Variants in CCHCR1 observed in about 807,000 individuals in gnomAD.
CCHCR1 encodes coiled-coil alpha-helical rod protein 1, also known as HCR (a-helix coiled-coil rod homologue).
Under a neutral mutation model 114.6 loss-of-function variants are expected in CCHCR1, and 91 were observed. The observed-to-expected ratio is 0.79, with a 90% CI of 0.67 to 0.94. The LOEUF (loss-of-function observed/expected upper bound fraction) is 0.94, where lower values mean the gene tolerates loss of function less well. Ranked by LOEUF, CCHCR1 falls within the 40% of genes least tolerant of loss-of-function variation. The probability of loss-of-function intolerance (pLI) is 0.00; values close to 1 mark genes in which losing one functional copy is unlikely to be tolerated. For missense variants in CCHCR1, 899 were observed against 1,079.9 expected, an observed-to-expected ratio of 0.83 and a Z score of 2.35; for synonymous variants, 379 against 428.5, an observed-to-expected ratio of 0.88 and a Z score of 1.43.
Position 31,157,698 on chromosome 6 carries a change from C to A in CCHCR1, c.-98G>T. The A allele has an allele frequency of 4.2e-6, 4 of 950,178 alleles. No individual in the cohort carries two copies. Among genetic ancestry groups the A allele is most frequent in the Non-Finnish European group, 6.3e-6 (4 of 637,320 alleles). 58.9% of individuals were successfully genotyped at this position (950,178 alleles called of 1,614,324 possible). A position where few individuals can be genotyped will look rare whatever the true frequency, so the allele number is the denominator to read the frequency against. On this transcript the variant is annotated 5_prime_UTR_variant, in exon 1 of 18. Transcript: ENST00000396268. ...TGACATCTTATTCAAATCTTTCCTG[C>A]GGCTGTTCTCTCAGCTTCTCTCTAC...
At position 31,144,820 on chromosome 6, in the gene CCHCR1, C is replaced by G; in HGVS notation, c.2066-32G>C. On this transcript the variant is annotated intron_variant, in intron 14 of 17. Coordinates refer to ENST00000396268, the MANE Select transcript of CCHCR1 (RefSeq NM_001105564.2). The surrounding 1 kb of genome is among the most constrained non-coding windows in gnomAD (Gnocchi z 4.6). ...TGAAAGTGCAGACGGGGCATATCAG[C>G]AGGAGCTTTGATTCGCAGTTCCCAC... 2 of 1,610,852 alleles carry G rather than the reference C, an allele frequency of 1.2e-6. No individual in the cohort carries two copies. Among genetic ancestry groups the G allele is most frequent in the Non-Finnish European group, 1.7e-6 (2 of 1,177,086 alleles).
chr6:31,142,497 G>T lies in CCHCR1; in HGVS notation c.*95C>A. 2 of 1,214,120 alleles carry T rather than the reference G, an allele frequency of 1.6e-6. No homozygotes were observed. Among genetic ancestry groups the T allele is most frequent in the Non-Finnish European group, 2.3e-6 (2 of 859,398 alleles). The allele number at this position is 1,214,120 out of a possible 1,614,324, so 75.2% of individuals were successfully genotyped here. On this transcript the variant is annotated 3_prime_UTR_variant, in exon 18 of 18. Coordinates refer to ENST00000396268, the MANE Select transcript of CCHCR1 (RefSeq NM_001105564.2). Reference sequence around the variant, plus strand: ...TCAGACTCAGCTGGTATCCCCCAGGGCAACCCCAGGATGGGGAAGGGCTGG... The same window carrying T: ...TCAGACTCAGCTGGTATCCCCCAGGTCAACCCCAGGATGGGGAAGGGCTGG...
At position 31,150,433 on chromosome 6, in the gene CCHCR1, G is replaced by T; in HGVS notation, c.1212+22C>A. 1.3e-6 allele frequency: 2 copies of T among 1,591,280 alleles called. No individual in the cohort carries two copies. The highest frequency in any genetic ancestry group is 1.7e-6 in the Non-Finnish European group (2 of 1,162,430). On this transcript the variant is annotated intron_variant, in intron 7 of 17. Coordinates refer to ENST00000396268, the MANE Select transcript of CCHCR1 (RefSeq NM_001105564.2). The surrounding 1 kb of genome is among the most constrained non-coding windows in gnomAD (Gnocchi z 5.3). ...GATGCAGGATGCGGCTGAGGGTGAG[G>T]GGTCTGGGGGTTGGGCTGTACCTTC...
rs1450129025 is a variant in CCHCR1 at position 31,150,816 on chromosome 6, T to G, written c.1010A>C (p.Asn337Thr). The G allele has an allele frequency of 6.2e-7, 1 of 1,613,092 alleles. No homozygotes were observed. The highest frequency in any genetic ancestry group is 8.5e-7 in the Non-Finnish European group (1 of 1,180,014). ...TTGTTCCCCAACATATTTTCTTAGA[T>G]TCTCAACCAGGGTCACCTGAGCCTC... ...DLEAQVTLVE[N>T]LRKYVGEQVP... Residue 337 changes from asparagine (N) to threonine (T), a missense_variant, in exon 6 of 18, where the codon AAT becomes ACT. By Grantham distance (65) the Asn-to-Thr change is moderately conservative (BLOSUM62 0). Coordinates refer to ENST00000396268, the MANE Select transcript of CCHCR1 (RefSeq NM_001105564.2). The surrounding 1 kb of genome is among the most constrained non-coding windows in gnomAD (Gnocchi z 5.3).
rs1227713462 is a variant in CCHCR1 at position 31,143,773 on chromosome 6, C to G, written c.2168-360G>C. 2.0e-5 allele frequency among the ~76,000 whole-genome samples: 3 copies of G among 152,180 alleles called. No homozygotes were observed. The highest frequency in any genetic ancestry group is 4.4e-5 in the Non-Finnish European group (3 of 68,020). On this transcript the variant is annotated intron_variant, in intron 15 of 17. Transcript: ENST00000396268. The surrounding 1 kb of genome is among the most constrained non-coding windows in gnomAD (Gnocchi z 5.3). ...GATGCGGCTGAACAACTTATGTTTA[C>G]AACTTACTTAGGCGTGGTGGCTCAC...
chr6:31,144,248 C>T lies in CCHCR1; in HGVS notation c.2167+439G>A, dbSNP rs1773973908. On this transcript the variant is annotated intron_variant, in intron 15 of 17. Coordinates refer to ENST00000396268, the MANE Select transcript of CCHCR1 (RefSeq NM_001105564.2). The surrounding 1 kb of genome is among the most constrained non-coding windows in gnomAD (Gnocchi z 4.6). ...TTTCTCTATCACCCAGGCTTGAGTG[C>T]AGTGGCACAATCTTGGCTCACTGCA... 1.3e-5 allele frequency among the ~76,000 whole-genome samples: 2 copies of T among 152,134 alleles called. No homozygotes were observed. Among genetic ancestry groups the T allele is most frequent in the South Asian group, 4.1e-4 (2 of 4,822 alleles).
At chr6:31,146,973 G>A (rs1774423308) in intron 10 of CCHCR1, among the ~76,000 whole-genome samples, 1 of 152,160 alleles carries the variant, frequency 6.6e-6, no homozygotes, top group Non-Finnish European at 1.5e-5. Flanking sequence ...ACAAATCCAA[G>A]AGAAGGAAGT....
chr6:31,148,759 C>G, intron 8 of CCHCR1, 31 bp from the exon 9 acceptor site: 1 of 1,358,398 alleles, frequency 7.4e-7, no homozygotes, highest in Non-Finnish European at 1.1e-6. Flanking sequence ...AGGCAGGGCC[C>G]TCTAGAGCTA....
chr6:31,148,861 C>CAAG, intron 8 of CCHCR1, 133 bp from the exon 9 acceptor site: 1 of 27,462 alleles, frequency 3.6e-5, no homozygotes, highest in Non-Finnish European at 7.2e-5. Flanking sequence ...GGGCGGGCGA[C>CAAG]GGGGGTGGGT....
At position 31,154,727 on chromosome 6, in the gene CCHCR1, CA is replaced by C; in HGVS notation, c.569del (p.Leu190ArgfsTer20). On this transcript the variant is annotated frameshift_variant, in exon 4 of 18. Coordinates refer to ENST00000396268, the MANE Select transcript of CCHCR1 (RefSeq NM_001105564.2). LOFTEE classifies it high-confidence loss of function. The surrounding 1 kb of genome is among the most constrained non-coding windows in gnomAD (Gnocchi z 4.1). Reference sequence around the variant, plus strand: ...GCCGGACCTCCTCCTCCAGCCGCCGCAGCTCTTGCAGCTGCCGAACGATCAC... The same window carrying C: ...GCCGGACCTCCTCCTCCAGCCGCCGCGCTCTTGCAGCTGCCGAACGATCAC... ...AEVIVRQLQELRRLEEEVRLL... is the reference protein window; with the variant it reads ...AEVIVRQLQEXRRLEEEVRLL... 6.2e-7 allele frequency: 1 copy of C among 1,608,026 alleles called. No homozygotes were observed. The highest frequency in any genetic ancestry group is 1.3e-5 in the African/African-American group (1 of 75,070).
chr6:31,146,995 A>G (rs566193924), intron 10 of CCHCR1, among the ~76,000 whole-genome samples: 27 of 152,270 alleles, frequency 1.8e-4, no homozygotes, highest in African/African-American at 6.0e-4. Flanking sequence ...ATGGGCAAGG[A>G]CTCATCCTGC....
chr6:31,150,681 C>A lies in CCHCR1; in HGVS notation c.1101+44G>T. ...TCCAAGGGCCACGCTTGCCTCCCAA[C>A]CTGATCCCTAAGTCTGCACACAGAT... On this transcript the variant is annotated intron_variant, in intron 6 of 17. Transcript: ENST00000396268. The surrounding 1 kb of genome is among the most constrained non-coding windows in gnomAD (Gnocchi z 5.3). 3 of 1,604,366 alleles carry A rather than the reference C, an allele frequency of 1.9e-6. No homozygotes were observed. Among genetic ancestry groups the A allele is most frequent in the Non-Finnish European group, 2.6e-6 (3 of 1,174,998 alleles).
At position 31,156,919 on chromosome 6, in the gene CCHCR1, GGA is replaced by G. The variant is rs748051628; in HGVS notation, c.307_308del (p.Ser103ProfsTer54). ...PSGSTGLIPP[S>X]HFQARPLSTL... ...TTGAAAGGGGCCGAGCTTGAAAGTG[GGA>G]GGGGGGAATCAGCCCAGTGGAACCT... On this transcript the variant is annotated frameshift_variant, in exon 3 of 18. Coordinates refer to ENST00000396268, the MANE Select transcript of CCHCR1 (RefSeq NM_001105564.2). LOFTEE classifies it high-confidence loss of function. 44 of 1,612,946 alleles carry G rather than the reference GGA, an allele frequency of 2.7e-5. No individual in the cohort carries two copies. The highest frequency in any genetic ancestry group is 3.6e-5 in the Non-Finnish European group (42 of 1,180,022).
chr6:31,143,539 G>T lies in CCHCR1; in HGVS notation c.2168-126C>A. On this transcript the variant is annotated intron_variant, in intron 15 of 17. Coordinates refer to ENST00000396268, the MANE Select transcript of CCHCR1 (RefSeq NM_001105564.2). The surrounding 1 kb of genome is among the most constrained non-coding windows in gnomAD (Gnocchi z 5.3). ...GCTTGGGGAGGCTGTTCTGCTCTGTGGATCTGTCTCTTCTGTACAGTTGGA... is the reference window on the plus strand; with the variant it reads ...GCTTGGGGAGGCTGTTCTGCTCTGTTGATCTGTCTCTTCTGTACAGTTGGA... 2 of 980,984 alleles carry T rather than the reference G, an allele frequency of 2.0e-6. No homozygotes were observed. The highest frequency in any genetic ancestry group is 3.0e-6 in the Non-Finnish European group (2 of 670,540). The allele number at this position is 980,984 out of a possible 1,614,324, so 60.8% of individuals were successfully genotyped here.
At chr6:31,146,579 G>A (rs1774369872) in intron 10 of CCHCR1, among the ~76,000 whole-genome samples, 1 of 152,158 alleles carries the variant, frequency 6.6e-6, no homozygotes, top group Non-Finnish European at 1.5e-5. Context: ...AACACATGAT[G>A]ATGAAGGCTT....
rs1320999540 is a variant in CCHCR1, at chr6:31,148,481, C to T, written c.1504G>A (p.Glu502Lys). The part of the protein sequence containing the change: ...GLQLELSRAQ[E>K]ARRRWQQQTA... ...TGCTGCTGCCACCGACGCCTGGCCTCCTGAGCACGGCTCAGCTCCAACTGC... is the reference window on the plus strand; with the variant it reads ...TGCTGCTGCCACCGACGCCTGGCCTTCTGAGCACGGCTCAGCTCCAACTGC... Residue 502 changes from glutamate (E) to lysine (K), a missense_variant, in exon 10 of 18, where the codon GAG (glutamate) becomes AAG (lysine). Glu to Lys is a moderately conservative substitution (Grantham distance 56). Coordinates refer to ENST00000396268, the MANE Select transcript of CCHCR1 (RefSeq NM_001105564.2). 6.2e-7 allele frequency: 1 copy of T among 1,612,794 alleles called. No homozygotes were observed. Among genetic ancestry groups the T allele is most frequent in the African/African-American group, 1.3e-5 (1 of 74,946 alleles).
At chr6:31,156,599 G>T in intron 3 of CCHCR1, 132 bp downstream of exon 3, 1 of 702,524 alleles carries the variant, frequency 1.4e-6, no homozygotes, top group East Asian at 2.6e-5. Flanking sequence ...TTTATGCACT[G>T]TAGGAACTAA....
chr6:31,142,835 G>T, intron 17 of CCHCR1, 119 bp from the exon 18 acceptor site: 1 of 1,499,408 alleles, frequency 6.7e-7, no homozygotes, highest in African/African-American at 1.4e-5. Flanking sequence ...GTCCAAGCTG[G>T]GCATCGCTAA....
At position 31,148,289 on chromosome 6, in the gene CCHCR1, T is replaced by G. The variant is rs1774637450; in HGVS notation, c.1580+116A>C. The G allele has an allele frequency of 1.7e-5, 12 of 685,874 alleles. No homozygotes were observed. The South Asian group carries it at 1.9e-4, about 11-fold the overall frequency. 42.5% of individuals were successfully genotyped at this position (685,874 alleles called of 1,614,324 possible). Reference sequence around the variant, plus strand: ...TGATAGAGCTAAATCTGCCCAGCCCTGTAGCCTCCAGTGGCCACTTTCCAG... The same window carrying G: ...TGATAGAGCTAAATCTGCCCAGCCCGGTAGCCTCCAGTGGCCACTTTCCAG... On this transcript the variant is annotated intron_variant, in intron 10 of 17. Coordinates refer to ENST00000396268, the MANE Select transcript of CCHCR1 (RefSeq NM_001105564.2).
Sources: allele counts gnomAD v4.1 joint callset (sites outside exome capture counted in the v4.1 genomes callset), GRCh38; gene constraint gnomAD v4.1.1; non-coding constraint Gnocchi (gnomAD v3.1); transcripts MANE v1.5; gene names NCBI Gene and HGNC (gene_info 2026-07-23, HGNC 2026-07-21).